The following CACNA2D1 variants were observed in gnomAD, a reference collection of about 807,000 sequenced individuals.
The protein encoded by CACNA2D1 is voltage-dependent calcium channel subunit alpha-2/delta-1.
A neutral mutation model predicts 171.5 loss-of-function variants in CACNA2D1; 53 were observed. The observed-to-expected ratio is 0.31, with a 90% CI of 0.25 to 0.39. The LOEUF is 0.39. Ranked by LOEUF, CACNA2D1 falls within the 10% of genes least tolerant of loss-of-function variation. The probability of loss-of-function intolerance (pLI) is 1.00; values close to 1 mark genes in which losing one functional copy is unlikely to be tolerated. For missense variants in CACNA2D1, 903 were observed against 1,299.8 expected (o/e 0.69, Z 4.69); for synonymous variants, 442 against 443.1 (o/e 1.00, Z 0.03).
At position 82,437,553 on chromosome 7, in the gene CACNA2D1, T is replaced by C. The variant is rs561832062; in HGVS notation, c.95+5812A>G. On this transcript the variant is annotated intron_variant, in intron 1 of 38. Coordinates refer to ENST00000356860, the MANE Select transcript of CACNA2D1 (RefSeq NM_000722.4). ...TGTTAAAATAACATTTAGCCAGAAA[T>C]ATCCCACATTCATATTCAAAGAGAA... is the stretch of plus-strand genomic sequence containing the variant. Among the ~76,000 whole-genome samples the C allele has an allele frequency of 8.5e-5, 13 of 152,210 alleles. 1 individual carries two copies. The South Asian group carries it at 1.9e-3, about 22-fold the overall frequency.
intron 2 of CACNA2D1, among the ~76,000 whole-genome samples, chr7:82,344,908 T>G (rs3801693): frequency 6.6e-6 from 1 of 152,162 alleles, no homozygotes; most frequent in Non-Finnish European, 1.5e-5. Flanking sequence ...TTCTTTAAAA[T>G]TTTATATTGC....
intron 21 of CACNA2D1, among the ~76,000 whole-genome samples, chr7:81,989,950 G>A (rs940945292): frequency 3.3e-5 from 5 of 152,192 alleles, no homozygotes; most frequent in Admixed American, 1.3e-4. Context: ...AGCAGGAGAA[G>A]ATGGAAAGCT....
At chr7:81,974,629 A>T in intron 24 of CACNA2D1, 77 bp from the exon 25 acceptor site, 1 of 579,628 alleles carries the variant, frequency 1.7e-6, no homozygotes, top group Admixed American at 2.8e-5. Context: ...TGAAAACACT[A>T]TTTTTTTTTT....
rs557303950 is a variant in CACNA2D1, at chr7:82,303,994, GA to G, written c.294+31140del. Among the ~76,000 whole-genome samples the G allele has an allele frequency of 3.3e-5, 5 of 152,024 alleles. 1 individual carries two copies. Among genetic ancestry groups the G allele is most frequent in the Admixed American group, 3.3e-4 (5 of 15,266 alleles). On this transcript the variant is annotated intron_variant, in intron 3 of 38. Transcript: ENST00000356860. ...GGGACTAATATCAAGGATATATAAGGAACTCAAACAATTCAACAGTTAAAAA... is the reference window on the plus strand; with the variant it reads ...GGGACTAATATCAAGGATATATAAGGACTCAAACAATTCAACAGTTAAAAA...
chr7:82,341,926 C>A (rs1443079768), intron 2 of CACNA2D1, among the ~76,000 whole-genome samples: 1 of 151,596 alleles, frequency 6.6e-6, no homozygotes, highest in Non-Finnish European at 1.5e-5. Context: ...TGGTGGCAGG[C>A]ACCTGTAGTC....
At chr7:82,149,887 G>A (rs1020299909) in intron 4 of CACNA2D1, among the ~76,000 whole-genome samples, 1 of 152,004 alleles carries the variant, frequency 6.6e-6, no homozygotes, top group African/African-American at 2.4e-5. Context: ...AACCCGGGAG[G>A]CGGAGCTTGC....
chr7:82,050,305 T>A, intron 10 of CACNA2D1: 1 of 389,036 alleles, frequency 2.6e-6, no homozygotes, highest in Non-Finnish European at 4.7e-6. Context: ...TACAGTGTCA[T>A]AGATAAAAGG....
chr7:82,428,898 A>G (rs563800180), intron 1 of CACNA2D1, among the ~76,000 whole-genome samples: 1 of 152,328 alleles, frequency 6.6e-6, no homozygotes, highest in African/African-American at 2.4e-5. Context: ...CTACCATAGC[A>G]TAGACTCATA....
intron 3 of CACNA2D1, among the ~76,000 whole-genome samples, chr7:82,304,954 A>G (rs1381940115): frequency 6.6e-6 from 1 of 152,200 alleles, no homozygotes; most frequent in South Asian, 2.1e-4. Context: ...CATTCTATGC[A>G]TGTAACAAAA....
chr7:82,192,475 TGTGTGTGTGTGTGTGTG>T (rs1563182581), intron 3 of CACNA2D1, among the ~76,000 whole-genome samples: 10 of 32,154 alleles, frequency 3.1e-4, no homozygotes, highest in African/African-American at 6.0e-4. Flanking sequence ...TGTGTGTGTG[TGTGTGTGTGTGTGTGTG>T]TGTGTGTGTG....
rs554945342 is a variant in CACNA2D1, at chr7:82,437,001, T to C, written c.95+6364A>G. Among the ~76,000 whole-genome samples the C allele has an allele frequency of 5.3e-5, 8 of 152,290 alleles. No homozygotes were observed. The South Asian group carries it at 1.5e-3, about 28-fold the overall frequency. On this transcript the variant is annotated intron_variant, in intron 1 of 38. Transcript: ENST00000356860. ...ACTTGCTTGACAACTTTGGTATGTG[T>C]TGATTACATATTACAGGTTTATCTG...
rs930520749 is a variant in CACNA2D1 at position 82,297,324 on chromosome 7, A to G, written c.294+37811T>C. On this transcript the variant is annotated intron_variant, in intron 3 of 38. Coordinates refer to ENST00000356860, the MANE Select transcript of CACNA2D1 (RefSeq NM_000722.4). ...AGTATAACAACAATCTTGATCATTG[A>G]TCTGTAACATGAATGTCTCCTGGCA... 3.3e-5 allele frequency among the ~76,000 whole-genome samples: 5 copies of G among 152,208 alleles called. No homozygotes were observed. In the East Asian group the frequency reaches 7.7e-4, roughly 24 times the overall value.
Position 82,079,211 on chromosome 7 carries a change from T to C in CACNA2D1, c.658+5558A>G, listed in dbSNP as rs1477618854. On this transcript the variant is annotated intron_variant, in intron 7 of 38. Transcript: ENST00000356860. ...TTTCCCCTACATCTGGGCAATATGCTCCAAACAGATTTAATGCTTCTTATT... is the reference window on the plus strand; with the variant it reads ...TTTCCCCTACATCTGGGCAATATGCCCCAAACAGATTTAATGCTTCTTATT... Among the ~76,000 whole-genome samples the C allele has an allele frequency of 3.3e-5, 5 of 152,190 alleles. No individual in the cohort carries two copies. The East Asian group carries it at 9.6e-4, about 29-fold the overall frequency.
intron 25 of CACNA2D1, among the ~76,000 whole-genome samples, chr7:81,973,709 T>G (rs1028013700): frequency 2.0e-5 from 3 of 152,026 alleles, no homozygotes; most frequent in African/African-American, 7.2e-5. Flanking sequence ...TTGGTTTTCC[T>G]CTTATTTCCC....
At chr7:82,437,785 T>C (rs1469745411) in intron 1 of CACNA2D1, among the ~76,000 whole-genome samples, 1 of 152,120 alleles carries the variant, frequency 6.6e-6, no homozygotes, top group African/African-American at 2.4e-5. Flanking sequence ...TGTACTGAAT[T>C]ACTACAAAAG....
At chr7:82,246,668 A>G (rs1804961309) in intron 3 of CACNA2D1, among the ~76,000 whole-genome samples, 2 of 152,182 alleles carry the variant, frequency 1.3e-5, no homozygotes, top group Admixed American at 1.3e-4. Context: ...AGATACCTAT[A>G]GAAGTTCACC....
At chr7:82,358,954 A>G (rs980422905) in intron 1 of CACNA2D1, among the ~76,000 whole-genome samples, 2 of 152,068 alleles carry the variant, frequency 1.3e-5, no homozygotes, top group Non-Finnish European at 2.9e-5. Flanking sequence ...TAAAAATTAT[A>G]CTTTGGGGTT....
intron 3 of CACNA2D1, among the ~76,000 whole-genome samples, chr7:82,234,559 C>G (rs887976787): frequency 1.3e-5 from 2 of 150,988 alleles, no homozygotes; most frequent in Non-Finnish European, 3.0e-5. Flanking sequence ...TAAGCCACAG[C>G]CTTAGAATTT....
chr7:82,313,904 T>C (rs1232561053), intron 3 of CACNA2D1, among the ~76,000 whole-genome samples: 3 of 152,190 alleles, frequency 2.0e-5, no homozygotes, highest in Non-Finnish European at 4.4e-5. Context: ...TAAAATATAT[T>C]ACTCCAAAAT....
Sources: allele counts gnomAD v4.1 joint callset (sites outside exome capture counted in the v4.1 genomes callset), GRCh38; gene constraint gnomAD v4.1.1; transcripts MANE v1.5; gene names NCBI Gene and HGNC (gene_info 2026-07-23, HGNC 2026-07-21).